RAMP1: variants seen among roughly 807,000 people sequenced by gnomAD.
The protein encoded by RAMP1 is receptor activity-modifying protein 1.
Under a neutral mutation model 8.2 loss-of-function variants are expected in RAMP1, and 7 were observed. The ratio of observed to expected loss-of-function variants is 0.85; its 90% confidence interval spans 0.49 to 1.60. The LOEUF is 1.60. Among genes scored for constraint, RAMP1 ranks in the 40% most tolerant of loss-of-function variants. The pLI is 0.00. For synonymous variants in RAMP1, 92 were observed against 84.7 expected (o/e 1.09, Z -0.47); for missense variants, 192 against 202.4 (o/e 0.95, Z 0.31).
At chr2:237,885,507 G>T (rs1363819816) in intron 2 of RAMP1, among the ~76,000 whole-genome samples, 2 of 152,278 alleles carry the variant, frequency 1.3e-5, no homozygotes. Flanking sequence ...GGACCCCTCT[G>T]TGCTCTCCCT....
chr2:237,888,430 T>C (rs1260756690), intron 2 of RAMP1, among the ~76,000 whole-genome samples: 1 of 152,230 alleles, frequency 6.6e-6, no homozygotes, highest in Non-Finnish European at 1.5e-5. Flanking sequence ...CAGCAACATA[T>C]GAAAATGCCT....
chr2:237,908,206 G>A (rs530474570), intron 2 of RAMP1, among the ~76,000 whole-genome samples: 46 of 152,220 alleles, frequency 3.0e-4, no homozygotes, highest in South Asian at 2.7e-3. Context: ...ACTTTCTCTC[G>A]GCAGTAGACA....
chr2:237,910,943 TCA>T (rs199829433), intron 2 of RAMP1, among the ~76,000 whole-genome samples: 1 of 146,536 alleles, frequency 6.8e-6, no homozygotes, highest in Non-Finnish European at 1.5e-5. Flanking sequence ...AGAATAACAG[TCA>T]CACACACAGA....
intron 1 of RAMP1, among the ~76,000 whole-genome samples, chr2:237,860,374 G>A (rs527914775): frequency 1.3e-5 from 2 of 152,132 alleles, no homozygotes; most frequent in South Asian, 4.1e-4. Context: ...TTGGCTAATA[G>A]AAATTTAAAG....
rs146576696 is a variant in RAMP1 at position 237,869,575 on chromosome 2, T to A, written c.53-7649T>A. Among the ~76,000 whole-genome samples the A allele has an allele frequency of 7.7e-4, 117 of 152,336 alleles. 1 individual carries two copies. The highest frequency in any genetic ancestry group is 1.4e-3 in the Non-Finnish European group (94 of 68,030). ...TCATTTCACTTAAGGTTCTTCCATG[T>A]CGTAGTGTGAATCAGAATTTCCTTC... is the stretch of plus-strand genomic sequence containing the variant. On this transcript the variant is annotated intron_variant, in intron 1 of 2. Coordinates refer to ENST00000254661, the MANE Select transcript of RAMP1 (RefSeq NM_005855.4).
chr2:237,909,537 G>A (rs2062688350), intron 2 of RAMP1, among the ~76,000 whole-genome samples: 1 of 152,284 alleles, frequency 6.6e-6, no homozygotes, highest in South Asian at 2.1e-4. Flanking sequence ...GGGCTGTTCT[G>A]TGAAGCAGGA....
At chr2:237,863,682 G>A (rs1372555680) in intron 1 of RAMP1, among the ~76,000 whole-genome samples, 1 of 152,010 alleles carries the variant, frequency 6.6e-6, no homozygotes, top group African/African-American at 2.4e-5. Context: ...CTTTGTTGGA[G>A]CAGGGTCCAG....
chr2:237,880,387 T>C (rs998414368), intron 2 of RAMP1, among the ~76,000 whole-genome samples: 2 of 152,196 alleles, frequency 1.3e-5, no homozygotes, highest in African/African-American at 2.4e-5. Context: ...CACGAGATGT[T>C]CCAGGCTTAT....
At chr2:237,860,626 G>GT (rs1427115060) in intron 1 of RAMP1, among the ~76,000 whole-genome samples, 1 of 152,208 alleles carries the variant, frequency 6.6e-6, no homozygotes, top group Non-Finnish European at 1.5e-5. Context: ...CTGTGAATAG[G>GT]TTACTGGCGT....
At chr2:237,899,688 C>T (rs994810759) in intron 2 of RAMP1, among the ~76,000 whole-genome samples, 1 of 152,238 alleles carries the variant, frequency 6.6e-6, no homozygotes, top group Non-Finnish European at 1.5e-5. Flanking sequence ...TGTGCGCATG[C>T]GTTGAGACGC....
At position 237,878,512 on chromosome 2, in the gene RAMP1, G is replaced by A. The variant is rs1486584850; in HGVS notation, c.191+1150G>A. Among the ~76,000 whole-genome samples the A allele has an allele frequency of 6.6e-6, 1 of 152,252 alleles. No individual in the cohort carries two copies. Among genetic ancestry groups the A allele is most frequent in the Admixed American group, 6.5e-5 (1 of 15,292 alleles). On this transcript the variant is annotated intron_variant, in intron 2 of 2. Transcript: ENST00000254661. This position sits in a 1 kb window ranked among gnomAD's most constrained non-coding sequence, Gnocchi z 5.7. Reference sequence around the variant, plus strand: ...AGAAAGCCCACGGCTGGGAGGCCCTGAGGCTGGGTGGCTCCCACTGCCCCT... The same window carrying A: ...AGAAAGCCCACGGCTGGGAGGCCCTAAGGCTGGGTGGCTCCCACTGCCCCT...
rs372292082 is a variant in RAMP1, at chr2:237,877,318, G to A, written c.147G>A (p.Glu49=). The A allele has an allele frequency of 6.2e-6, 10 of 1,614,036 alleles. No individual in the cohort carries two copies. Among genetic ancestry groups the A allele is most frequent in the Non-Finnish European group, 7.6e-6 (9 of 1,180,022 alleles). ...TCACCCAGTTCCAGGTAGACATGGA[G>A]GCCGTCGGGGAGACGCTGTGGTGTG... ...LCLTQFQVDM[E]AVGETLWCDW... Residue 49 remains glutamate (E), a synonymous_variant, in exon 2 of 3, where the codon GAG becomes GAA. Transcript: ENST00000254661. This position sits in a 1 kb window ranked among gnomAD's most constrained non-coding sequence, Gnocchi z 4.4.
chr2:237,864,209 G>GC (rs1456023055), intron 1 of RAMP1, among the ~76,000 whole-genome samples: 2 of 152,174 alleles, frequency 1.3e-5, no homozygotes, highest in Non-Finnish European at 2.9e-5. Context: ...AGGAAGCCCT[G>GC]CCCCCTGTTC....
intron 2 of RAMP1, among the ~76,000 whole-genome samples, chr2:237,911,301 C>T (rs1032162534): frequency 1.3e-5 from 2 of 152,246 alleles, no homozygotes; most frequent in Admixed American, 1.3e-4. Context: ...CCCACGGCCA[C>T]GCCAGGGCTT....
At chr2:237,887,354 G>A (rs1238345246) in intron 2 of RAMP1, among the ~76,000 whole-genome samples, 1 of 152,214 alleles carries the variant, frequency 6.6e-6, no homozygotes, top group Non-Finnish European at 1.5e-5. Context: ...AGGGAGCAGT[G>A]GCACCTCACA....
At position 237,911,629 on chromosome 2, in the gene RAMP1, G is replaced by A. The variant is rs1263690344; in HGVS notation, c.293G>A (p.Gly98Asp). Reference sequence around the variant, plus strand: ...GACAGGTTCTTCCTGGCAGTGCATGGCCGCTACTTCAGGAGCTGCCCCATC... The same window carrying A: ...GACAGGTTCTTCCTGGCAGTGCATGACCGCTACTTCAGGAGCTGCCCCATC... ...EVDRFFLAVH[G>D]RYFRSCPISG... Residue 98 changes from glycine to aspartate, a missense_variant, in exon 3 of 3, where the codon GGC becomes GAC. Physicochemically the swap from Gly to Asp is moderately conservative, Grantham distance 94 (BLOSUM62 -1). Transcript: ENST00000254661. 1.2e-6 allele frequency: 2 copies of A among 1,614,024 alleles called. No homozygotes were observed. The highest frequency in any genetic ancestry group is 8.5e-7 in the Non-Finnish European group (1 of 1,180,018).
At position 237,911,631 on chromosome 2, in the gene RAMP1, C is replaced by A. The variant is rs573077034; in HGVS notation, c.295C>A (p.Arg99Ser). 2.5e-6 allele frequency: 4 copies of A among 1,613,976 alleles called. No homozygotes were observed. In the East Asian group the frequency reaches 8.9e-5, roughly 36 times the overall value. Residue 99 changes from arginine (R) to serine (S), a missense_variant, in exon 3 of 3, where the codon CGC becomes AGC. Coordinates refer to ENST00000254661, the MANE Select transcript of RAMP1 (RefSeq NM_005855.4). ...CAGGTTCTTCCTGGCAGTGCATGGC[C>A]GCTACTTCAGGAGCTGCCCCATCTC... is the stretch of plus-strand genomic sequence containing the variant. ...VDRFFLAVHG[R>S]YFRSCPISGR... is the part of the protein sequence containing the mutation.
chr2:237,910,043 G>C (rs1321506799), intron 2 of RAMP1, among the ~76,000 whole-genome samples: 1 of 152,126 alleles, frequency 6.6e-6, no homozygotes, highest in East Asian at 1.9e-4. Context: ...CTTCTAGCCT[G>C]GTGGCAGCCA....
At chr2:237,879,449 C>T (rs185334753) in intron 2 of RAMP1, among the ~76,000 whole-genome samples, 130 of 151,734 alleles carry the variant, frequency 8.6e-4, no homozygotes, top group African/African-American at 3.0e-3. Context: ...ATAGCTGGAA[C>T]TAGAAGGAGG....
Sources: gnomAD v4.1 joint callset for allele counts (sites outside exome capture counted in the v4.1 genomes callset) on GRCh38, gnomAD v4.1.1 for gene constraint, Gnocchi (gnomAD v3.1) non-coding constraint, MANE v1.5 for transcripts, NCBI Gene and HGNC (gene_info 2026-07-23, HGNC 2026-07-21) for gene names.